PTPN13: variants seen among roughly 807,000 people sequenced by gnomAD.
The protein encoded by PTPN13 is protein tyrosine phosphatase non-receptor type 13.
In PTPN13, 191 loss-of-function variants were observed where a neutral mutation model predicts 284.0. The ratio of observed to expected loss-of-function variants is 0.67; its 90% CI spans 0.60 to 0.76. The LOEUF (loss-of-function observed/expected upper bound fraction) is 0.76. PTPN13 is among the 30% of genes least tolerant of loss of function. The pLI, the probability that PTPN13 is intolerant of heterozygous loss-of-function variation, is 0.00. For synonymous variants in PTPN13, 986 were observed against 1,022.3 expected (o/e 0.96, Z 0.68); for missense variants, 2,797 against 2,939.9 (o/e 0.95, Z 1.12).
intron 26 of PTPN13, among the ~76,000 whole-genome samples, 189 bp downstream of exon 26, chr4:86,765,677 T>C (rs1438366952): frequency 1.3e-5 from 2 of 152,196 alleles, no homozygotes; most frequent in Non-Finnish European, 2.9e-5. Flanking sequence ...TATTTTCTAG[T>C]ATCAGAAGAT....
Position 86,771,313 on chromosome 4 carries a change from G to A in PTPN13, c.4946G>A (p.Arg1649Lys). The A allele has an allele frequency of 6.2e-7, 1 of 1,601,292 alleles. No homozygotes were observed. Among genetic ancestry groups the A allele is most frequent in the Non-Finnish European group, 8.5e-7 (1 of 1,173,692 alleles). Residue 1649 changes from arginine to lysine, a missense_variant, in exon 31 of 48, where the codon AGA becomes AAA. Arg to Lys is a conservative substitution (Grantham distance 26, BLOSUM62 2). Coordinates refer to ENST00000411767, the MANE Select transcript of PTPN13 (RefSeq NM_080683.3). ...AAACAGTGCAAGTCCCCATCCAGAA[G>A]AGACAGTTACAGTGACAGCAGTGGG... ...SKKQCKSPSRRDSYSDSSGSG... is the reference protein window; with the variant it reads ...SKKQCKSPSRKDSYSDSSGSG...
At chr4:86,614,222 G>T (rs901715359) in intron 1 of PTPN13, among the ~76,000 whole-genome samples, 18 of 152,018 alleles carry the variant, frequency 1.2e-4, no homozygotes, top group African/African-American at 4.3e-4. Context: ...AAACTGAACA[G>T]AAAAACAACC....
At chr4:86,771,964 A>G (rs1740047664) in intron 31 of PTPN13, among the ~76,000 whole-genome samples, 1 of 152,210 alleles carries the variant, frequency 6.6e-6, no homozygotes, top group South Asian at 2.1e-4. Context: ...ATAGAAGCAT[A>G]CAAAGAGAAG....
At chr4:86,705,867 G>C (rs1731706779) in intron 7 of PTPN13, among the ~76,000 whole-genome samples, 1 of 151,788 alleles carries the variant, frequency 6.6e-6, no homozygotes, top group Admixed American at 6.6e-5. Context: ...TCCTTGAGCT[G>C]ATATAATAAT....
intron 2 of PTPN13, among the ~76,000 whole-genome samples, chr4:86,637,769 C>G (rs1723206183): frequency 1.4e-5 from 2 of 140,596 alleles, no homozygotes; most frequent in African/African-American, 5.4e-5. Flanking sequence ...AAAACTGGCA[C>G]AAGACAGGGA....
chr4:86,617,365 A>G (rs530377102), intron 1 of PTPN13, among the ~76,000 whole-genome samples: 42 of 152,188 alleles, frequency 2.8e-4, no homozygotes, highest in Non-Finnish European at 5.6e-4. Flanking sequence ...ACGATGGTGC[A>G]AAAACAGTAG....
At chr4:86,656,052 C>T (rs1235515968) in intron 2 of PTPN13, among the ~76,000 whole-genome samples, 2 of 152,202 alleles carry the variant, frequency 1.3e-5, no homozygotes, top group Non-Finnish European at 2.9e-5. Flanking sequence ...GAAGCTTGTG[C>T]ATGCATCACG....
chr4:86,656,344 T>C (rs1725806197), intron 2 of PTPN13, among the ~76,000 whole-genome samples: 1 of 152,258 alleles, frequency 6.6e-6, no homozygotes, highest in Non-Finnish European at 1.5e-5. Flanking sequence ...TCAGCTTTTC[T>C]GCTTTGTTTT....
chr4:86,675,320 A>T (rs1392493812), intron 3 of PTPN13, among the ~76,000 whole-genome samples: 2 of 152,182 alleles, frequency 1.3e-5, no homozygotes, highest in Non-Finnish European at 2.9e-5. Flanking sequence ...ATACAAAGAA[A>T]ATCAAGTTTC....
chr4:86,672,289 C>A, intron 2 of PTPN13, 76 bp from the exon 3 acceptor site: 1 of 1,240,780 alleles, frequency 8.1e-7, no homozygotes, highest in Non-Finnish European at 1.1e-6. Flanking sequence ...GAAGTGATTG[C>A]TGTTTCCTGT....
chr4:86,764,539 T>A, intron 24 of PTPN13, 54 bp from the exon 25 acceptor site: 3 of 1,301,112 alleles, frequency 2.3e-6, no homozygotes, highest in Non-Finnish European at 2.0e-6. Context: ...AAAAGAAAAA[T>A]TATAATTCAT....
At chr4:86,705,975 A>G (rs887044602) in intron 7 of PTPN13, among the ~76,000 whole-genome samples, 15 of 152,178 alleles carry the variant, frequency 9.9e-5, no homozygotes, top group African/African-American at 3.6e-4. Context: ...CTCTGATAAT[A>G]TAGCTTTTTC....
chr4:86,801,489 A>AC (rs1380110723), intron 42 of PTPN13, among the ~76,000 whole-genome samples: 1 of 152,244 alleles, frequency 6.6e-6, no homozygotes, highest in Admixed American at 6.5e-5. Flanking sequence ...TGCAGATTAG[A>AC]ATTTCAGTTA....
intron 2 of PTPN13, among the ~76,000 whole-genome samples, chr4:86,653,043 T>C (rs988109658): frequency 6.6e-6 from 1 of 152,008 alleles, no homozygotes; most frequent in Admixed American, 6.6e-5. Flanking sequence ...CTTTGATGAT[T>C]TTTCAGTTTG....
At chr4:86,738,797 C>G (rs1023193033) in intron 15 of PTPN13, among the ~76,000 whole-genome samples, 1 of 152,128 alleles carries the variant, frequency 6.6e-6, no homozygotes, top group African/African-American at 2.4e-5. Flanking sequence ...GCTTCTTCCT[C>G]AGCCTCCTGA....
chr4:86,786,426 A>G (rs749532822), intron 40 of PTPN13, among the ~76,000 whole-genome samples: 16 of 152,276 alleles, frequency 1.1e-4, no homozygotes, highest in Non-Finnish European at 2.4e-4. Context: ...TTCTTACACT[A>G]GTTATCATGC....
In PTPN13 at chr4:86,750,569, T is replaced by G; in HGVS notation, c.2750T>G (p.Leu917Arg). 1 of 1,613,936 alleles carries G rather than the reference T, an allele frequency of 6.2e-7. No individual in the cohort carries two copies. The highest frequency in any genetic ancestry group is 1.7e-5 in the Admixed American group (1 of 60,016). ...ACTGGCAGTCTGGCCAGCAGCACCC[T>G]CAACAAACTTGCTGTTCGACCTTTA... ...ISTGSLASST[L>R]NKLAVRPLSV... Residue 917 changes from leucine (L) to arginine (R), a missense_variant, in exon 18 of 48, where the codon CTC (leucine) becomes CGC (arginine). Transcript: ENST00000411767.
At chr4:86,688,793 C>T (rs1390794255) in intron 4 of PTPN13, among the ~76,000 whole-genome samples, 2 of 152,052 alleles carry the variant, frequency 1.3e-5, no homozygotes, top group African/African-American at 4.8e-5. Context: ...TACTTCCTTT[C>T]TAGGGAAGTA....
intron 17 of PTPN13, among the ~76,000 whole-genome samples, chr4:86,745,432 A>G (rs988390638): frequency 2.0e-5 from 3 of 152,170 alleles, no homozygotes; most frequent in Non-Finnish European, 4.4e-5. Flanking sequence ...AGCTTATCCA[A>G]TATTTGGAAG....
Sources: gnomAD v4.1 joint callset for allele counts (sites outside exome capture counted in the v4.1 genomes callset) on GRCh38, gnomAD v4.1.1 for gene constraint, MANE v1.5 for transcripts, NCBI Gene and HGNC (gene_info 2026-07-23, HGNC 2026-07-21) for gene names.